The following NOTCH2 variants were observed in gnomAD, a reference collection of about 807,000 sequenced individuals.
NOTCH2 encodes the protein notch receptor 2, also known as neurogenic locus notch homolog protein 2.
In NOTCH2, 29 loss-of-function variants were observed where a neutral mutation model predicts 235.8. The ratio of observed to expected loss-of-function variants is 0.12; its 90% confidence interval spans 0.09 to 0.17. NOTCH2 has a LOEUF of 0.17. Ranked by LOEUF, NOTCH2 falls within the 10% of genes least tolerant of loss-of-function variation. The pLI is 1.00. For synonymous variants in NOTCH2, 1,086 were observed against 1,141.5 expected (o/e 0.95, Z 0.98); for missense variants, 2,285 against 3,150.2 (o/e 0.73, Z 6.57).
At chr1:119,922,527 A>C in intron 27 of NOTCH2, 81 bp from the exon 28 acceptor site, 2 of 1,599,678 alleles carry the variant, frequency 1.3e-6, no homozygotes, top group Non-Finnish European at 1.7e-6. Flanking sequence ...TTAGAGGGCA[A>C]CTTTGACCTC....
chr1:119,957,487 T>C (rs919778530), intron 12 of NOTCH2, among the ~76,000 whole-genome samples: 1 of 151,968 alleles, frequency 6.6e-6, no homozygotes, highest in Non-Finnish European at 1.5e-5. Context: ...ATTATTAGAA[T>C]GATATGGGAA....
chr1:120,002,870 C>T (rs1180803638), intron 3 of NOTCH2, among the ~76,000 whole-genome samples: 1 of 149,192 alleles, frequency 6.7e-6, no homozygotes, highest in South Asian at 2.2e-4. Context: ...AGTTGTACTA[C>T]ATCAGGTGTA....
chr1:119,980,060 G>T (rs782399976), intron 5 of NOTCH2, among the ~76,000 whole-genome samples: 4 of 152,034 alleles, frequency 2.6e-5, no homozygotes, highest in African/African-American at 7.3e-5. Context: ...CTCCTGTCTC[G>T]CATGATATCA....
chr1:119,967,707 G>C, intron 7 of NOTCH2, 86 bp from the exon 8 acceptor site: 18 of 1,148,340 alleles, frequency 1.6e-5, no homozygotes, highest in Non-Finnish European at 2.4e-5. Context: ...GATGGTTATA[G>C]CATCAGGGCC....
intron 17 of NOTCH2, among the ~76,000 whole-genome samples, chr1:119,942,914 C>A (rs1553196642): frequency 2.7e-4 from 40 of 150,246 alleles, no homozygotes; most frequent in Non-Finnish European, 1.0e-4. Flanking sequence ...ACTCTGTTGC[C>A]CCGGCTGGAG....
chr1:119,923,375 G>A (rs1051758302), intron 26 of NOTCH2, among the ~76,000 whole-genome samples: 1 of 152,174 alleles, frequency 6.6e-6, no homozygotes, highest in African/African-American at 2.4e-5. Context: ...AGGCAACTCT[G>A]GCAAAAGGTT....
intron 5 of NOTCH2, among the ~76,000 whole-genome samples, chr1:119,978,032 CA>C (rs1460719986): frequency 6.6e-6 from 1 of 152,068 alleles, no homozygotes; most frequent in Non-Finnish European, 1.5e-5. Flanking sequence ...CAGGTGCTTT[CA>C]TAGATACCTA....
chr1:120,001,189 C>T (rs587775819), intron 3 of NOTCH2, among the ~76,000 whole-genome samples: 88 of 152,090 alleles, frequency 5.8e-4, no homozygotes, highest in Non-Finnish European at 1.1e-3. Context: ...CTTTTCTTTC[C>T]GGTCTCGGGG....
chr1:119,969,879 T>C, intron 5 of NOTCH2, 135 bp from the exon 6 acceptor site: 1 of 803,898 alleles, frequency 1.2e-6, no homozygotes, highest in South Asian at 1.5e-5. Context: ...GGCTGGGTCT[T>C]CACATGAATT....
At chr1:120,039,470 G>T (rs587678619) in intron 1 of NOTCH2, among the ~76,000 whole-genome samples, 3 of 148,970 alleles carry the variant, frequency 2.0e-5, no homozygotes, top group Non-Finnish European at 4.4e-5. Flanking sequence ...GTGCAGTGGC[G>T]CAATCTCAGC....
At chr1:119,955,935 G>A (rs1650679964) in intron 12 of NOTCH2, among the ~76,000 whole-genome samples, 1 of 152,112 alleles carries the variant, frequency 6.6e-6, no homozygotes, top group Non-Finnish European at 1.5e-5. Context: ...AGATTCCTAG[G>A]CCCTATCACC....
At chr1:120,029,162 C>G (rs1399011708) in intron 2 of NOTCH2, among the ~76,000 whole-genome samples, 2 of 148,350 alleles carry the variant, frequency 1.3e-5, no homozygotes, top group Non-Finnish European at 3.0e-5. Context: ...GTCTCACTTT[C>G]AGAATTAGAT....
At chr1:120,042,006 C>T (rs374773489) in intron 1 of NOTCH2, among the ~76,000 whole-genome samples, 7 of 145,874 alleles carry the variant, frequency 4.8e-5, no homozygotes, top group East Asian at 1.9e-4. Context: ...AAAGAGCAAG[C>T]GAGCGAGCGA....
At chr1:119,930,015 A>AT in intron 22 of NOTCH2, among the ~76,000 whole-genome samples, 1 of 152,366 alleles carries the variant, frequency 6.6e-6, no homozygotes, top group South Asian at 2.1e-4. Flanking sequence ...TGCCTACAAT[A>AT]TTCAGTTCAG....
chr1:119,973,145 T>A (rs1651432482), intron 5 of NOTCH2, among the ~76,000 whole-genome samples: 1 of 152,242 alleles, frequency 6.6e-6, no homozygotes, highest in South Asian at 2.1e-4. Flanking sequence ...GATAGTGGCT[T>A]ATAAGTAATT....
At position 119,922,324 on chromosome 1, in the gene NOTCH2, G is replaced by A; in HGVS notation, c.5125C>T (p.Leu1709Phe). ...MAKRKRKHGSLWLPEGFTLRR... is the reference protein window; with the variant it reads ...MAKRKRKHGSFWLPEGFTLRR... Reference sequence around the variant, plus strand: ...AGAGTGAAACCTTCAGGCAGCCAGAGAGAGCCATGCTTACGCTTTCGTTTT... The same window carrying A: ...AGAGTGAAACCTTCAGGCAGCCAGAAAGAGCCATGCTTACGCTTTCGTTTT... Residue 1709 changes from leucine to phenylalanine, a missense_variant, in exon 28 of 34, where the codon CTC (leucine) becomes TTC (phenylalanine). Physicochemically the swap from Leu to Phe is conservative, Grantham distance 22. Transcript: ENST00000256646. 1 of 1,614,158 alleles carries A rather than the reference G, an allele frequency of 6.2e-7. No individual in the cohort carries two copies. The highest frequency in any genetic ancestry group is 8.5e-7 in the Non-Finnish European group (1 of 1,180,034).
At chr1:119,960,238 A>G (rs587636394) in intron 11 of NOTCH2, among the ~76,000 whole-genome samples, 154 of 152,244 alleles carry the variant, frequency 1.0e-3, no homozygotes, top group African/African-American at 3.6e-3. Context: ...AAGCTTTCAA[A>G]TCAAAATTAG....
chr1:119,976,084 A>C (rs1570707989), intron 5 of NOTCH2, among the ~76,000 whole-genome samples: 1 of 152,302 alleles, frequency 6.6e-6, no homozygotes, highest in South Asian at 2.1e-4. Context: ...TGCAACAACA[A>C]TCTCCACAAG....
At chr1:119,983,010 TATA>T (rs1412710855) in intron 5 of NOTCH2, among the ~76,000 whole-genome samples, 3 of 152,160 alleles carry the variant, frequency 2.0e-5, no homozygotes, top group Non-Finnish European at 4.4e-5. Flanking sequence ...CCAACTGAAA[TATA>T]ATGAGAGTAA....
Sources: gnomAD v4.1 joint callset for allele counts (sites outside exome capture counted in the v4.1 genomes callset) on GRCh38, gnomAD v4.1.1 for gene constraint, MANE v1.5 for transcripts, NCBI Gene and HGNC (gene_info 2026-07-23, HGNC 2026-07-21) for gene names.